The following SEMA5A variants were observed in gnomAD, a reference collection of about 807,000 sequenced individuals.
SEMA5A encodes the protein semaphorin 5A.
In SEMA5A, 55 loss-of-function variants were observed where a neutral mutation model predicts 135.5. The observed-to-expected ratio is 0.41, with a 90% CI of 0.33 to 0.51. The LOEUF (loss-of-function observed/expected upper bound fraction) is 0.51. Among genes scored for constraint, SEMA5A ranks in the 20% least tolerant of loss-of-function variants. The pLI is 0.37. For synonymous variants in SEMA5A, 580 were observed against 546.5 expected (o/e 1.06, Z -0.85); for missense variants, 1,290 against 1,419.9 (o/e 0.91, Z 1.47).
At chr5:9,471,114 A>T (rs1363951524) in intron 1 of SEMA5A, among the ~76,000 whole-genome samples, 12 of 152,180 alleles carry the variant, frequency 7.9e-5, no homozygotes. Flanking sequence ...GCCTTGGAAA[A>T]GGTCAGGGCT....
At chr5:9,352,270 G>A (rs1479582147) in intron 3 of SEMA5A, among the ~76,000 whole-genome samples, 2 of 151,850 alleles carry the variant, frequency 1.3e-5, no homozygotes, top group Non-Finnish European at 2.9e-5. Context: ...TCCTTTCCAG[G>A]CCACCAGACA....
In SEMA5A at chr5:9,337,625, A is replaced by G. The variant is rs1021020100; in HGVS notation, c.224+88T>C. 2.6e-5 allele frequency: 20 copies of G among 777,592 alleles called. No homozygotes were observed. In the African/African-American group the frequency reaches 2.6e-4, roughly 10 times the overall value. 48.2% of individuals were successfully genotyped at this position (777,592 alleles called of 1,614,324 possible). On this transcript the variant is annotated intron_variant, in intron 4 of 22. Coordinates refer to ENST00000382496, the MANE Select transcript of SEMA5A (RefSeq NM_003966.3). Reference sequence around the variant, plus strand: ...GAAATAATATTATTCAGCATTCTTCAGTTTTGTCAGTGAAGGTCACATGTA... The same window carrying G: ...GAAATAATATTATTCAGCATTCTTCGGTTTTGTCAGTGAAGGTCACATGTA...
At chr5:9,206,980 G>A (rs1746056065) in intron 8 of SEMA5A, among the ~76,000 whole-genome samples, 1 of 147,406 alleles carries the variant, frequency 6.8e-6, no homozygotes, top group Non-Finnish European at 1.5e-5. Flanking sequence ...CCTGACTTTG[G>A]CAAGTGTCGC....
At chr5:9,429,004 C>T (rs1458738173) in intron 2 of SEMA5A, among the ~76,000 whole-genome samples, 2 of 152,184 alleles carry the variant, frequency 1.3e-5, no homozygotes, top group East Asian at 3.8e-4. Context: ...TTACAAAATA[C>T]TACAATGAAT....
intron 15 of SEMA5A, among the ~76,000 whole-genome samples, chr5:9,109,496 G>A (rs2036574): frequency 0.12 from 17,663 of 152,096 alleles, 1,580 homozygotes; most frequent in East Asian, 0.32. Flanking sequence ...AGACACACTC[G>A]GTGATTCATA....
intron 16 of SEMA5A, among the ~76,000 whole-genome samples, chr5:9,084,773 T>C (rs912137012): frequency 2.0e-5 from 3 of 152,192 alleles, no homozygotes; most frequent in Non-Finnish European, 2.9e-5. Flanking sequence ...CCCCAAAATG[T>C]AGAAGTGACT....
In SEMA5A at chr5:9,493,291, ATC is replaced by A. The variant is rs201307910; in HGVS notation, c.-175+52291_-175+52292del. Among the ~76,000 whole-genome samples the A allele has an allele frequency of 1.2e-3, 175 of 150,778 alleles. 1 individual carries two copies. In the East Asian group the frequency reaches 0.03, roughly 26 times the overall value. On this transcript the variant is annotated intron_variant, in intron 1 of 22. Coordinates refer to ENST00000382496, the MANE Select transcript of SEMA5A (RefSeq NM_003966.3). ...AATATGTATGTAGCAGCATCTATCT[ATC>A]TATCTATATATATAAAACATTATAT...
intron 5 of SEMA5A, among the ~76,000 whole-genome samples, chr5:9,243,099 C>A (rs1748294336): frequency 6.6e-6 from 1 of 152,226 alleles, no homozygotes; most frequent in South Asian, 2.1e-4. Context: ...GTATTCATTC[C>A]CTAGAGCTGT....
chr5:9,370,971 T>A (rs563355364), intron 3 of SEMA5A, among the ~76,000 whole-genome samples: 51 of 152,316 alleles, frequency 3.3e-4, no homozygotes, highest in African/African-American at 1.2e-3. Context: ...ATAATATACT[T>A]AAAGATAGAT....
At chr5:9,339,484 G>A (rs892508798) in intron 3 of SEMA5A, among the ~76,000 whole-genome samples, 1 of 152,158 alleles carries the variant, frequency 6.6e-6, no homozygotes, top group African/African-American at 2.4e-5. Flanking sequence ...CGTCTGCATT[G>A]CTCCCTGCAG....
At chr5:9,119,920 A>C (rs980574212) in intron 14 of SEMA5A, among the ~76,000 whole-genome samples, 1 of 143,104 alleles carries the variant, frequency 7.0e-6, no homozygotes, top group Non-Finnish European at 1.5e-5. Context: ...ATATAAAATA[A>C]AAATAGGATG....
intron 6 of SEMA5A, among the ~76,000 whole-genome samples, chr5:9,227,596 G>A (rs990023101): frequency 2.1e-5 from 3 of 145,544 alleles, no homozygotes; most frequent in African/African-American, 7.6e-5. Context: ...TGTCGCCCAG[G>A]CTGGAGTGCC....
At chr5:9,139,969 A>C (rs1362153178) in intron 12 of SEMA5A, among the ~76,000 whole-genome samples, 1 of 152,186 alleles carries the variant, frequency 6.6e-6, no homozygotes, top group Non-Finnish European at 1.5e-5. Flanking sequence ...CAAACAAACA[A>C]ATCAAAAATC....
chr5:9,318,310 C>T, intron 5 of SEMA5A, 62 bp downstream of exon 5: 1 of 1,501,424 alleles, frequency 6.7e-7, no homozygotes, highest in South Asian at 1.2e-5. Flanking sequence ...GTCTTCATCC[C>T]CTCAAACAGT....
chr5:9,093,260 A>G (rs1739133033), intron 16 of SEMA5A, among the ~76,000 whole-genome samples: 1 of 152,328 alleles, frequency 6.6e-6, no homozygotes, highest in Non-Finnish European at 1.5e-5. Context: ...TCCCTCTTTT[A>G]GATAGTAAGA....
intron 11 of SEMA5A, among the ~76,000 whole-genome samples, chr5:9,176,682 C>A (rs1339732019): frequency 1.3e-5 from 2 of 152,164 alleles, no homozygotes; most frequent in African/African-American, 2.4e-5. Flanking sequence ...AAAAAAGGGG[C>A]CCCAGTTCTG....
intron 12 of SEMA5A, among the ~76,000 whole-genome samples, chr5:9,145,654 T>TC (rs1245281551): frequency 6.6e-6 from 1 of 150,456 alleles, no homozygotes; most frequent in Non-Finnish European, 1.5e-5. Context: ...TTTTTTTTTT[T>TC]TTTTTTTAGA....
chr5:9,411,476 T>A (rs1757105230), intron 2 of SEMA5A, among the ~76,000 whole-genome samples: 2 of 152,132 alleles, frequency 1.3e-5, no homozygotes. Flanking sequence ...AGCCTCCCTA[T>A]ACAGTGCCCA....
rs372946721 is a variant in SEMA5A, at chr5:9,362,360, C to A, written c.124+17463G>T. 8.5e-5 allele frequency among the ~76,000 whole-genome samples: 13 copies of A among 152,146 alleles called. No homozygotes were observed. In the East Asian group the frequency reaches 1.2e-3, roughly 14 times the overall value. The stretch of plus-strand genomic sequence containing the variant: ...CTTTGGGGACGCTATTTTTTAAATG[C>A]CATTATATGAGGGTAAGAGATTTCA... On this transcript the variant is annotated intron_variant, in intron 3 of 22. Transcript: ENST00000382496.
Sources: allele counts gnomAD v4.1 joint callset (sites outside exome capture counted in the v4.1 genomes callset), GRCh38; gene constraint gnomAD v4.1.1; transcripts MANE v1.5; gene names NCBI Gene and HGNC (gene_info 2026-07-23, HGNC 2026-07-21).